CTNNA3: variants seen among roughly 807,000 people sequenced by gnomAD.
The protein encoded by CTNNA3 is catenin alpha-3.
In CTNNA3, 76 loss-of-function variants were observed where a neutral mutation model predicts 95.7. That is an observed-to-expected ratio of 0.79 (90% CI 0.66 to 0.96). The LOEUF (loss-of-function observed/expected upper bound fraction) is 0.96. Ranked by LOEUF, CTNNA3 falls within the 40% of genes least tolerant of loss-of-function variation. The probability of loss-of-function intolerance (pLI) is 0.00; values close to 1 mark genes in which losing one functional copy is unlikely to be tolerated. For synonymous variants in CTNNA3, 431 were observed against 374.4 expected (o/e 1.15, Z -1.74); for missense variants, 1,191 against 1,089.8 (o/e 1.09, Z -1.31).
chr10:67,585,427 T>C (rs1306198772), intron 3 of CTNNA3, among the ~76,000 whole-genome samples: 2 of 152,228 alleles, frequency 1.3e-5, no homozygotes, highest in Admixed American at 1.3e-4. Context: ...GTGCTTTGTA[T>C]ATTTGGTACA....
intron 7 of CTNNA3, among the ~76,000 whole-genome samples, chr10:66,788,346 C>T (rs780766480): frequency 2.0e-5 from 3 of 152,010 alleles, no homozygotes; most frequent in Non-Finnish European, 4.4e-5. Flanking sequence ...CAGTTCCAGG[C>T]GCCAGGGAGG....
intron 7 of CTNNA3, among the ~76,000 whole-genome samples, chr10:67,151,783 AAAC>A (rs1861098001): frequency 6.6e-6 from 1 of 152,236 alleles, no homozygotes; most frequent in African/African-American, 2.4e-5. Context: ...ACACAAAATA[AAAC>A]TTGGTGTTCG....
intron 12 of CTNNA3, among the ~76,000 whole-genome samples, chr10:66,285,436 T>C (rs1214160988): frequency 6.6e-6 from 1 of 151,864 alleles, no homozygotes; most frequent in African/African-American, 2.4e-5. Context: ...TGGGTTAATA[T>C]TAATAAATAA....
intron 7 of CTNNA3, 21 bp downstream of exon 7, chr10:67,180,296 G>T: frequency 1.9e-6 from 3 of 1,607,272 alleles, no homozygotes; most frequent in South Asian, 2.2e-5. Flanking sequence ...CTAGGGATGG[G>T]AAGGCAAACC....
chr10:66,153,874 CACACAT>C (rs2084337887), intron 13 of CTNNA3, among the ~76,000 whole-genome samples: 2 of 151,726 alleles, frequency 1.3e-5, no homozygotes, highest in South Asian at 4.2e-4. Flanking sequence ...CACACACACA[CACACAT>C]ACCTATATAA....
At chr10:67,599,654 T>G (rs1489994449) in intron 3 of CTNNA3, among the ~76,000 whole-genome samples, 1 of 152,174 alleles carries the variant, frequency 6.6e-6, no homozygotes, top group Non-Finnish European at 1.5e-5. Flanking sequence ...AATTAAATGT[T>G]ATAAAGTACC....
At chr10:67,017,179 A>T (rs2133059866) in intron 7 of CTNNA3, among the ~76,000 whole-genome samples, 1 of 152,322 alleles carries the variant, frequency 6.6e-6, no homozygotes, top group South Asian at 2.1e-4. Flanking sequence ...ATATTTTGTG[A>T]TTTCCAAAGT....
chr10:67,365,689 C>T (rs2132684730), intron 5 of CTNNA3, among the ~76,000 whole-genome samples: 1 of 152,262 alleles, frequency 6.6e-6, no homozygotes, highest in East Asian at 1.9e-4. Flanking sequence ...CCATCTCACG[C>T]CAGTTAGAAT....
At chr10:66,472,059 T>C (rs1195719295) in intron 11 of CTNNA3, among the ~76,000 whole-genome samples, 1 of 151,936 alleles carries the variant, frequency 6.6e-6, no homozygotes, top group Non-Finnish European at 1.5e-5. Flanking sequence ...TTTGAAAGCA[T>C]CCTCCCTGGG....
intron 11 of CTNNA3, among the ~76,000 whole-genome samples, chr10:66,466,325 C>G (rs1838910213): frequency 7.3e-6 from 1 of 137,176 alleles, no homozygotes; most frequent in East Asian, 2.4e-4. Flanking sequence ...CACACACATA[C>G]ACGCACCCAC....
At chr10:67,633,328 C>T (rs1344132975) in intron 2 of CTNNA3, among the ~76,000 whole-genome samples, 1 of 152,136 alleles carries the variant, frequency 6.6e-6, no homozygotes, top group African/African-American at 2.4e-5. Context: ...AGAATACAAA[C>T]GGTCCAGATG....
intron 11 of CTNNA3, among the ~76,000 whole-genome samples, chr10:66,512,217 G>T (rs1374894086): frequency 6.6e-6 from 1 of 151,818 alleles, no homozygotes; most frequent in African/African-American, 2.4e-5. Flanking sequence ...GTTTGCATTT[G>T]CAGCAAATAT....
chr10:66,430,974 G>A (rs1411955009), intron 11 of CTNNA3, among the ~76,000 whole-genome samples: 2 of 151,768 alleles, frequency 1.3e-5, no homozygotes, highest in South Asian at 2.1e-4. Flanking sequence ...GCAACCTACA[G>A]AATGGGAGAA....
chr10:67,461,593 G>A (rs538234577), intron 5 of CTNNA3, among the ~76,000 whole-genome samples: 4 of 152,202 alleles, frequency 2.6e-5, no homozygotes, highest in Non-Finnish European at 4.4e-5. Context: ...AAGCAAAAAG[G>A]TTGTATAAAA....
chr10:66,803,963 T>G lies in CTNNA3; in HGVS notation c.1048-28439A>C, dbSNP rs918259756. ...TTACAATTAAAAGATGCCAGTTGTT[T>G]TTTTTTTTTTTAATTTAAGCAGTGG... On this transcript the variant is annotated intron_variant, in intron 7 of 17. Transcript: ENST00000433211. Among the ~76,000 whole-genome samples the G allele has an allele frequency of 1.1e-4, 16 of 151,636 alleles. No individual in the cohort carries two copies. The East Asian group carries it at 1.9e-3, about 18-fold the overall frequency.
intron 13 of CTNNA3, among the ~76,000 whole-genome samples, chr10:66,180,553 CA>C (rs1405482970): frequency 6.6e-6 from 1 of 152,068 alleles, no homozygotes; most frequent in Non-Finnish European, 1.5e-5. Flanking sequence ...GAATACATCT[CA>C]AAAAGTAATG....
chr10:67,620,127 A>T (rs941619580), intron 2 of CTNNA3, among the ~76,000 whole-genome samples: 2 of 152,194 alleles, frequency 1.3e-5, no homozygotes, highest in Admixed American at 1.3e-4. Flanking sequence ...TGGAGGATGT[A>T]GCTGGGACTT....
chr10:67,223,320 C>A (rs1180635497), intron 5 of CTNNA3, among the ~76,000 whole-genome samples: 1 of 152,180 alleles, frequency 6.6e-6, no homozygotes, highest in Admixed American at 6.5e-5. Flanking sequence ...TTTATTTTAA[C>A]TGATGATACC....
chr10:67,068,708 G>T (rs566226589), intron 7 of CTNNA3, among the ~76,000 whole-genome samples: 1 of 152,306 alleles, frequency 6.6e-6, no homozygotes, highest in African/African-American at 2.4e-5. Flanking sequence ...AAATATGTTA[G>T]AAAAAGACTA....
Sources: gnomAD v4.1 joint callset for allele counts (sites outside exome capture counted in the v4.1 genomes callset) on GRCh38, gnomAD v4.1.1 for gene constraint, MANE v1.5 for transcripts, NCBI Gene and HGNC (gene_info 2026-07-23, HGNC 2026-07-21) for gene names.